EFHD1: variants seen among roughly 807,000 people sequenced by gnomAD.
EFHD1 encodes the protein EF-hand domain family member D1.
EFHD1 carries 10 observed loss-of-function variants against 17.2 expected under a neutral mutation model. The observed-to-expected ratio is 0.58, with a 90% CI of 0.36 to 0.99. The LOEUF is 0.99. EFHD1 is among the 50% of genes least tolerant of loss of function. The probability of loss-of-function intolerance (pLI) is 0.01; values close to 1 mark genes in which losing one functional copy is unlikely to be tolerated. For missense variants in EFHD1, 310 were observed against 327.5 expected (o/e 0.95, Z 0.41); for synonymous variants, 153 against 142.0 (o/e 1.08, Z -0.55).
intron 3 of EFHD1, among the ~76,000 whole-genome samples, chr2:232,676,199 C>T (rs7570004): frequency 0.53 from 80,201 of 151,710 alleles, 21,808 homozygotes; most frequent in East Asian, 0.76. Flanking sequence ...AGCCTGGCCT[C>T]CCCCTATTCC....
upstream of EFHD1, among the ~76,000 whole-genome samples, chr2:232,632,708 C>T (rs1694225795): frequency 6.6e-6 from 1 of 152,228 alleles, no homozygotes; most frequent in Admixed American, 6.5e-5. Flanking sequence ...TCGTTGCAGC[C>T]TCGACCTCCC....
intron 1 of EFHD1, among the ~76,000 whole-genome samples, chr2:232,637,343 CTT>C (rs575182576): frequency 7.8e-5 from 10 of 127,660 alleles, no homozygotes; most frequent in East Asian, 2.1e-4. Flanking sequence ...CATGGCCTTC[CTT>C]TTTTTTTTTT....
At chr2:232,669,076 G>A (rs1191481413) in intron 2 of EFHD1, among the ~76,000 whole-genome samples, 4 of 152,180 alleles carry the variant, frequency 2.6e-5, no homozygotes, top group East Asian at 3.8e-4. Flanking sequence ...GGCACGGAGC[G>A]ACCAGTATGT....
intron 3 of EFHD1, among the ~76,000 whole-genome samples, chr2:232,674,362 A>G (rs1436756363): frequency 6.6e-6 from 1 of 152,262 alleles, no homozygotes; most frequent in Non-Finnish European, 1.5e-5. Flanking sequence ...AATGAGATGC[A>G]GCTGCGTGTC....
chr2:232,622,628 AGAG>A (rs3085844), intron 1 of EFHD1, among the ~76,000 whole-genome samples: 35,260 of 151,740 alleles, frequency 0.23, 4,594 homozygotes, highest in East Asian at 0.57. Flanking sequence ...GGCAGATTTC[AGAG>A]GAGAAGTAAT....
At chr2:232,670,295 A>G (rs1044506970) in intron 2 of EFHD1, among the ~76,000 whole-genome samples, 1 of 152,022 alleles carries the variant, frequency 6.6e-6, no homozygotes, top group Non-Finnish European at 1.5e-5. Flanking sequence ...ACAAAAATTA[A>G]CCAGGTGTGA....
At chr2:232,654,126 G>A (rs1694708304) in intron 1 of EFHD1, among the ~76,000 whole-genome samples, 1 of 150,564 alleles carries the variant, frequency 6.6e-6, no homozygotes, top group Admixed American at 6.6e-5. Context: ...AGAATCACTT[G>A]AACCCGGGAG....
chr2:232,664,332 G>A (rs1299527861), intron 2 of EFHD1, among the ~76,000 whole-genome samples: 5 of 150,828 alleles, frequency 3.3e-5, no homozygotes, highest in African/African-American at 1.2e-4. Context: ...GTAGAGATAG[G>A]GTCTTGCTAT....
chr2:232,675,822 G>A (rs770512222), intron 3 of EFHD1, among the ~76,000 whole-genome samples: 1 of 152,114 alleles, frequency 6.6e-6, no homozygotes, highest in African/African-American at 2.4e-5. Flanking sequence ...CTCCATTGGA[G>A]GAGGGAGATA....
At chr2:232,620,397 A>G (rs911823076) in intron 1 of EFHD1, among the ~76,000 whole-genome samples, 4 of 151,564 alleles carry the variant, frequency 2.6e-5, no homozygotes, top group African/African-American at 9.7e-5. Context: ...CAAAAAAAAA[A>G]AAAAAAGAGA....
intron 1 of EFHD1, chr2:232,638,562 C>A: frequency 2.4e-6 from 1 of 422,720 alleles, no homozygotes; most frequent in South Asian, 1.8e-5. Context: ...AGTCTTGTCT[C>A]TAAAGGAGAG....
At position 232,633,935 on chromosome 2, in the gene EFHD1, C is replaced by T; in HGVS notation, c.231C>T (p.Val77=). The T allele has an allele frequency of 6.3e-7, 1 of 1,596,792 alleles. No homozygotes were observed. The highest frequency in any genetic ancestry group is 8.5e-7 in the Non-Finnish European group (1 of 1,179,006). ...EGAARPRRCR[V]FNPYTEFPEF... ...CTGCGCGGCCCCGGCGCTGCAGGGT[C>T]TTCAACCCCTACACGGAGTTCCCGG... is the stretch of plus-strand genomic sequence containing the variant. Residue 77 remains valine (V), a synonymous_variant, in exon 1 of 4, where the codon GTC becomes GTT. Transcript: ENST00000264059.
At chr2:232,679,296 A>G (rs1055811816) in intron 3 of EFHD1, among the ~76,000 whole-genome samples, 6 of 152,332 alleles carry the variant, frequency 3.9e-5, no homozygotes, top group East Asian at 1.9e-4. Context: ...CAAATGCCTT[A>G]AAGTTAAAAG....
chr2:232,655,224 T>G (rs1358484650), intron 1 of EFHD1, among the ~76,000 whole-genome samples: 1 of 152,148 alleles, frequency 6.6e-6, no homozygotes, highest in Admixed American at 6.5e-5. Context: ...CTCACTGTGT[T>G]GCCCAGGCTG....
chr2:232,670,882 A>G (rs1167565685), intron 2 of EFHD1, among the ~76,000 whole-genome samples: 4 of 152,254 alleles, frequency 2.6e-5, no homozygotes, highest in African/African-American at 9.6e-5. Context: ...AAGGCAAACA[A>G]TCTAATGCAA....
chr2:232,681,126 A>G lies in EFHD1; in HGVS notation c.586-459A>G, dbSNP rs191979931. Among the ~76,000 whole-genome samples the G allele has an allele frequency of 2.3e-3, 351 of 152,248 alleles. 4 individuals are homozygous for G. The highest frequency in any genetic ancestry group is 8.1e-3 in the African/African-American group (335 of 41,552). The stretch of plus-strand genomic sequence containing the variant: ...AGCCAAGATCACACCACTGCACTCC[A>G]GCCTGAGCGACAGAGCGAGACTCCA... On this transcript the variant is annotated intron_variant, in intron 3 of 3. Coordinates refer to ENST00000264059, the MANE Select transcript of EFHD1 (RefSeq NM_025202.4).
intron 1 of EFHD1, among the ~76,000 whole-genome samples, chr2:232,639,485 C>G (rs1369471601): frequency 2.0e-5 from 3 of 152,176 alleles, no homozygotes; most frequent in Non-Finnish European, 4.4e-5. Flanking sequence ...CTTCGCCTGG[C>G]CAGACTCTCT....
intron 3 of EFHD1, among the ~76,000 whole-genome samples, chr2:232,676,948 T>C (rs1695184278): frequency 6.6e-6 from 1 of 151,934 alleles, no homozygotes; most frequent in Non-Finnish European, 1.5e-5. Context: ...TGCAGTGAGC[T>C]ATGATCATAC....
chr2:232,606,288 CG>C, intron 1 of EFHD1: 1 of 1,271,132 alleles, frequency 7.9e-7, no homozygotes, highest in Non-Finnish European at 1.1e-6. Flanking sequence ...CTTTCGCCAC[CG>C]GAGGGCACTC....
Sources: allele counts gnomAD v4.1 joint callset (sites outside exome capture counted in the v4.1 genomes callset), GRCh38; gene constraint gnomAD v4.1.1; transcripts MANE v1.5; gene names NCBI Gene and HGNC (gene_info 2026-07-23, HGNC 2026-07-21).